Variants in BMPER observed in about 807,000 individuals in gnomAD.
BMPER encodes the protein BMP-binding endothelial regulator protein.
In BMPER, 45 loss-of-function variants were observed where a neutral mutation model predicts 87.3. That is an observed-to-expected ratio of 0.52 (90% CI 0.41 to 0.66). The LOEUF is 0.66. Ranked by LOEUF, BMPER falls within the 30% of genes least tolerant of loss-of-function variation. BMPER has a pLI of 0.00. For missense variants in BMPER, 784 were observed against 867.5 expected (o/e 0.90, Z 1.21); for synonymous variants, 326 against 316.2 (o/e 1.03, Z -0.33).
At chr7:34,152,790 G>C (rs1791210405) in intron 14 of BMPER, among the ~76,000 whole-genome samples, 1 of 151,952 alleles carries the variant, frequency 6.6e-6, no homozygotes, top group African/African-American at 2.4e-5. Flanking sequence ...TTAGTTATTT[G>C]TACAATAACT....
At chr7:34,030,627 AT>A (rs879593783) in intron 6 of BMPER, among the ~76,000 whole-genome samples, 288 of 147,210 alleles carry the variant, frequency 2.0e-3, no homozygotes, top group Middle Eastern at 0.011. Context: ...AATTACATTG[AT>A]TTTTTTTTTT....
chr7:34,120,617 C>T (rs1481579760), intron 13 of BMPER, among the ~76,000 whole-genome samples: 2 of 152,270 alleles, frequency 1.3e-5, no homozygotes, highest in African/African-American at 2.4e-5. Context: ...AGGCTGATCT[C>T]GAATTCCCGA....
intron 13 of BMPER, among the ~76,000 whole-genome samples, chr7:34,117,943 T>C (rs1790158369): frequency 6.6e-6 from 1 of 152,238 alleles, no homozygotes; most frequent in Non-Finnish European, 1.5e-5. Flanking sequence ...AATTTCTACC[T>C]TGAATACATT....
chr7:33,983,886 T>C (rs79619753), intron 6 of BMPER, among the ~76,000 whole-genome samples: 1 of 152,146 alleles, frequency 6.6e-6, no homozygotes, highest in South Asian at 2.1e-4. Flanking sequence ...ACAAGAAATA[T>C]TGACACAATA....
At chr7:33,920,060 G>A (rs1474066919) in intron 2 of BMPER, among the ~76,000 whole-genome samples, 1 of 152,146 alleles carries the variant, frequency 6.6e-6, no homozygotes, top group African/African-American at 2.4e-5. Context: ...ACTAATAGTT[G>A]TGTATGTGTG....
chr7:34,128,190 T>C (rs1790452297), intron 13 of BMPER, among the ~76,000 whole-genome samples: 1 of 152,174 alleles, frequency 6.6e-6, no homozygotes. Context: ...AAAGCCTTTT[T>C]TTCCTCTTTG....
rs147685350 is a variant in BMPER at position 33,974,192 on chromosome 7, G to C, written c.494-510G>C. Among the ~76,000 whole-genome samples, 1,101 of 152,300 alleles carry C rather than the reference G, an allele frequency of 7.2e-3. 4 individuals are homozygous for C. The highest frequency in any genetic ancestry group is 0.012 in the Non-Finnish European group (822 of 68,026). On this transcript the variant is annotated intron_variant, in intron 5 of 14. Transcript: ENST00000649409. ...GCCACGTTTTCCTTATTTGTGAAAAGAGTGATGAAAGTCCCTACTTTGTAG... is the reference window on the plus strand; with the variant it reads ...GCCACGTTTTCCTTATTTGTGAAAACAGTGATGAAAGTCCCTACTTTGTAG...
intron 3 of BMPER, among the ~76,000 whole-genome samples, chr7:33,952,156 G>C (rs1785042837): frequency 6.6e-6 from 1 of 152,108 alleles, no homozygotes; most frequent in South Asian, 2.1e-4. Flanking sequence ...GATTTCCAAG[G>C]TACCATAATT....
At chr7:34,031,768 C>T (rs890662730) in intron 6 of BMPER, among the ~76,000 whole-genome samples, 10 of 150,920 alleles carry the variant, frequency 6.6e-5, no homozygotes, top group South Asian at 4.2e-4. Flanking sequence ...AACAGCTTTG[C>T]GAGGAAAATA....
intron 6 of BMPER, among the ~76,000 whole-genome samples, chr7:34,015,357 T>C (rs1437785446): frequency 6.6e-6 from 1 of 152,004 alleles, no homozygotes. Flanking sequence ...TAAAAGCTCT[T>C]AGAAGAGTAA....
chr7:33,906,971 A>G (rs1562622502), intron 2 of BMPER, 68 bp downstream of exon 2: 3 of 1,369,572 alleles, frequency 2.2e-6, no homozygotes, highest in Non-Finnish European at 3.1e-6. Flanking sequence ...ATTAAATGTG[A>G]TAATATAACC....
At chr7:33,963,178 T>C (rs1585682548) in intron 3 of BMPER, among the ~76,000 whole-genome samples, 2 of 152,218 alleles carry the variant, frequency 1.3e-5, no homozygotes, top group South Asian at 4.1e-4. Flanking sequence ...ATCTGTAAGT[T>C]TGCTTCTATT....
At chr7:34,145,074 C>T (rs1305671819) in intron 14 of BMPER, among the ~76,000 whole-genome samples, 2 of 152,176 alleles carry the variant, frequency 1.3e-5, no homozygotes, top group Non-Finnish European at 2.9e-5. Flanking sequence ...AACCAGGAAC[C>T]TAAGCCTGTG....
intron 6 of BMPER, among the ~76,000 whole-genome samples, chr7:34,044,685 A>G (rs973662025): frequency 2.0e-5 from 3 of 152,148 alleles, no homozygotes; most frequent in Admixed American, 6.5e-5. Context: ...ATTCTTGTTG[A>G]TTCGGAAATA....
chr7:34,076,269 C>T (rs1382522145), intron 11 of BMPER, among the ~76,000 whole-genome samples: 2 of 152,066 alleles, frequency 1.3e-5, no homozygotes, highest in Non-Finnish European at 2.9e-5. Flanking sequence ...TGTAATTGGC[C>T]TTATCTACAA....
intron 3 of BMPER, among the ~76,000 whole-genome samples, chr7:33,953,625 C>G (rs1785080678): frequency 6.6e-6 from 1 of 152,104 alleles, no homozygotes; most frequent in African/African-American, 2.4e-5. Flanking sequence ...CAACTGTGTT[C>G]TTTTTTATGG....
intron 6 of BMPER, among the ~76,000 whole-genome samples, chr7:33,994,827 C>A (rs1273474679): frequency 6.6e-6 from 1 of 152,114 alleles, no homozygotes; most frequent in East Asian, 1.9e-4. Context: ...CCTTCCCACT[C>A]ACCTCTTTGG....
At chr7:34,073,829 G>A (rs970477619) in intron 11 of BMPER, among the ~76,000 whole-genome samples, 8 of 152,198 alleles carry the variant, frequency 5.3e-5, no homozygotes, top group Non-Finnish European at 1.5e-5. Context: ...GGAAATAGAC[G>A]ACTTTGGCTG....
intron 6 of BMPER, among the ~76,000 whole-genome samples, chr7:33,997,757 AT>A (rs1786457956): frequency 6.6e-6 from 1 of 152,006 alleles, no homozygotes; most frequent in Non-Finnish European, 1.5e-5. Context: ...GTTCTTTTGT[AT>A]TTGAATGTTC....
Sources: allele counts gnomAD v4.1 joint callset (sites outside exome capture counted in the v4.1 genomes callset), GRCh38; gene constraint gnomAD v4.1.1; transcripts MANE v1.5; gene names NCBI Gene and HGNC (gene_info 2026-07-23, HGNC 2026-07-21).